Variants in CSMD1 observed in about 807,000 individuals in gnomAD.
The protein encoded by CSMD1 is CUB and Sushi multiple domains 1.
A neutral mutation model predicts 417.5 loss-of-function variants in CSMD1; 213 were observed. The ratio of observed to expected loss-of-function variants is 0.51; its 90% CI spans 0.46 to 0.57. The LOEUF (loss-of-function observed/expected upper bound fraction) is 0.57. CSMD1 is among the 20% of genes least tolerant of loss of function. The pLI, the probability that CSMD1 is intolerant of heterozygous loss-of-function variation, is 0.00. For synonymous variants in CSMD1, 2,862 were observed against 1,736.8 expected, an observed-to-expected ratio of 1.65 and a Z score of -16.11; for missense variants, 6,923 against 4,529.7, an observed-to-expected ratio of 1.53 and a Z score of -15.17.
intron 3 of CSMD1, among the ~76,000 whole-genome samples, chr8:4,158,906 T>C (rs552301568): frequency 6.6e-6 from 1 of 152,104 alleles, no homozygotes; most frequent in Non-Finnish European, 1.5e-5. Flanking sequence ...AAAGAAAGAT[T>C]ATCTTTCTAT....
At position 2,962,524 on chromosome 8, in the gene CSMD1, G is replaced by C; in HGVS notation, c.9570C>G (p.Ser3190=). The change falls in exon 61 of 70, where the codon TCC becomes TCG. Residue 3190 remains serine (S), a synonymous_variant. Transcript: ENST00000635120. ...CGTCAGCTTGGCAGACTCTTCTGGA[G>C]GATCCCACGAGTATAAATGGAGATT... is the stretch of plus-strand genomic sequence containing the variant. ...QCKSPFILVG[S]SRRVCQADGT... is the part of the protein sequence containing the mutation. The C allele has an allele frequency of 6.2e-7, 1 of 1,613,906 alleles. No homozygotes were observed. Among genetic ancestry groups the C allele is most frequent in the South Asian group, 1.1e-5 (1 of 91,072 alleles).
intron 5 of CSMD1, among the ~76,000 whole-genome samples, chr8:3,949,422 G>C (rs1486156949): frequency 1.3e-5 from 2 of 152,050 alleles, no homozygotes; most frequent in Admixed American, 6.5e-5. Flanking sequence ...ACATGGATGA[G>C]GTATATAGAA....
At chr8:4,849,673 T>C (rs1801353421) in intron 1 of CSMD1, among the ~76,000 whole-genome samples, 2 of 152,312 alleles carry the variant, frequency 1.3e-5, no homozygotes, top group East Asian at 1.9e-4. Flanking sequence ...GTCCATATTA[T>C]TTAGTGCAGT....
intron 48 of CSMD1, among the ~76,000 whole-genome samples, chr8:3,087,571 C>T (rs1166292806): frequency 6.6e-6 from 1 of 152,186 alleles, no homozygotes. Context: ...TTAGGCTTCC[C>T]TGGGACACAC....
rs575895540 is a variant in CSMD1, at chr8:4,674,492, T to C, written c.86-36934A>G. ...TGTGTGTATAAATGCTCAAAGGGAA[T>C]GAGGGAACAGTACGTACTCAGTAAA... On this transcript the variant is annotated intron_variant, in intron 1 of 69. Transcript: ENST00000635120. Among the ~76,000 whole-genome samples, 36 of 152,142 alleles carry C rather than the reference T, an allele frequency of 2.4e-4. No homozygotes were observed. The South Asian group carries it at 7.1e-3, about 30-fold the overall frequency.
intron 12 of CSMD1, among the ~76,000 whole-genome samples, chr8:3,428,232 C>A (rs1277742273): frequency 6.6e-6 from 1 of 151,996 alleles, no homozygotes; most frequent in Non-Finnish European, 1.5e-5. Flanking sequence ...GACTGTTAAA[C>A]ACTCGAGGAA....
rs1563275042 is a variant in CSMD1, at chr8:3,976,821, G to GT, written c.818+21081dup. ...GTCGCATGCCTGTAGAATAGCATCT[G>GT]TGACCTCAACCACTGCACTGACCTC... On this transcript the variant is annotated intron_variant, in intron 5 of 69. Coordinates refer to ENST00000635120, the MANE Select transcript of CSMD1 (RefSeq NM_033225.6). Among the ~76,000 whole-genome samples the GT allele has an allele frequency of 2.0e-5, 3 of 152,314 alleles. 1 individual carries two copies. The highest frequency in any genetic ancestry group is 3.4e-3 in the Middle Eastern group (1 of 294).
At chr8:3,373,086 C>A (rs1163488701) in intron 18 of CSMD1, among the ~76,000 whole-genome samples, 1 of 152,188 alleles carries the variant, frequency 6.6e-6, no homozygotes, top group Admixed American at 6.5e-5. Context: ...ATATCCAAAG[C>A]TACTTGTCAG....
In CSMD1 at chr8:4,032,065, T is replaced by G. The variant is rs536379197; in HGVS notation, c.450A>C (p.Glu150Asp). The G allele has an allele frequency of 2.8e-5, 45 of 1,613,436 alleles. No homozygotes were observed. In the Admixed American group the frequency reaches 3.2e-4, roughly 11 times the overall value. Residue 150 changes from glutamate (E) to aspartate (D), a missense_variant, in exon 4 of 70, where the codon GAA becomes GAC. Transcript: ENST00000635120. ...LPSHTCGNPGEILKGVLHGTR... is the reference protein window; with the variant it reads ...LPSHTCGNPGDILKGVLHGTR... ...TTCCATGCAGAACTCCTTTCAGGAT[T>G]TCTCCAGGATTTCCACAAGTGTGGC... is the stretch of plus-strand genomic sequence containing the variant.
intron 1 of CSMD1, among the ~76,000 whole-genome samples, chr8:4,656,872 G>C (rs1804265620): frequency 6.6e-6 from 1 of 152,002 alleles, no homozygotes. Flanking sequence ...CAAATCAGCA[G>C]GGGCCCCCAA....
chr8:4,433,081 C>G (rs546986043), intron 2 of CSMD1, among the ~76,000 whole-genome samples: 4 of 152,300 alleles, frequency 2.6e-5, no homozygotes, highest in South Asian at 2.1e-4. Context: ...TATCCAATGC[C>G]TGATGATCTG....
At chr8:3,179,182 T>G (rs1036662514) in intron 37 of CSMD1, among the ~76,000 whole-genome samples, 1 of 151,794 alleles carries the variant, frequency 6.6e-6, no homozygotes. Flanking sequence ...CCTGACCTCG[T>G]GATCTGCCCG....
At chr8:4,241,412 G>A (rs1585081795) in intron 3 of CSMD1, among the ~76,000 whole-genome samples, 1 of 152,160 alleles carries the variant, frequency 6.6e-6, no homozygotes, top group Admixed American at 6.5e-5. Flanking sequence ...CTAACCCCAT[G>A]TTAAACTTCC....
At chr8:3,204,915 G>T (rs1180905943) in intron 31 of CSMD1, among the ~76,000 whole-genome samples, 1 of 152,192 alleles carries the variant, frequency 6.6e-6, no homozygotes, top group African/African-American at 2.4e-5. Flanking sequence ...TAAATGAAGT[G>T]CAGAGCGACC....
intron 1 of CSMD1, among the ~76,000 whole-genome samples, chr8:4,866,712 C>A (rs1056966392): frequency 4.0e-5 from 6 of 151,886 alleles, no homozygotes; most frequent in Non-Finnish European, 7.4e-5. Context: ...ACTAATTTAA[C>A]ACAAACAATA....
chr8:3,093,318 C>T (rs190460003), intron 47 of CSMD1, among the ~76,000 whole-genome samples: 177 of 152,226 alleles, frequency 1.2e-3, no homozygotes, highest in Admixed American at 3.7e-3. Flanking sequence ...AGGAGAGTCC[C>T]GCCCTTCTGA....
intron 2 of CSMD1, among the ~76,000 whole-genome samples, chr8:4,603,801 A>G (rs981092613): frequency 2.6e-5 from 4 of 152,170 alleles, no homozygotes; most frequent in African/African-American, 7.2e-5. Flanking sequence ...ATAATTTCCA[A>G]TGTTTGAGAA....
intron 8 of CSMD1, among the ~76,000 whole-genome samples, 173 bp from the exon 9 acceptor site, chr8:3,586,433 G>A (rs756342939): frequency 6.6e-6 from 1 of 152,266 alleles, no homozygotes; most frequent in Non-Finnish European, 1.5e-5. Context: ...ATTTAGCAAA[G>A]GTTATAAAAT....
intron 1 of CSMD1, among the ~76,000 whole-genome samples, chr8:4,760,028 A>C (rs1008255979): frequency 6.6e-6 from 1 of 152,206 alleles, no homozygotes; most frequent in African/African-American, 2.4e-5. Flanking sequence ...CATTCCACCA[A>C]CAGTGTAAAA....
Sources: allele counts gnomAD v4.1 joint callset (sites outside exome capture counted in the v4.1 genomes callset), GRCh38; gene constraint gnomAD v4.1.1; transcripts MANE v1.5; gene names NCBI Gene and HGNC (gene_info 2026-07-23, HGNC 2026-07-21).